KHDRBS2: variants seen among roughly 807,000 people sequenced by gnomAD.
KHDRBS2 encodes KH domain-containing, RNA-binding, signal transduction-associated protein 2.
KHDRBS2 carries 26 observed loss-of-function variants against 44.3 expected under a neutral mutation model. The ratio of observed to expected loss-of-function variants is 0.59; its 90% CI spans 0.43 to 0.81. The LOEUF (loss-of-function observed/expected upper bound fraction) is 0.81. Ranked by LOEUF, KHDRBS2 falls within the 40% of genes least tolerant of loss-of-function variation. The probability of loss-of-function intolerance (pLI) is 0.00; values close to 1 mark genes in which losing one functional copy is unlikely to be tolerated. For synonymous variants in KHDRBS2, 194 were observed against 151.1 expected (o/e 1.28, Z -2.08); for missense variants, 476 against 433.1 (o/e 1.10, Z -0.88).
At chr6:61,993,526 C>T (rs1776537707) in intron 3 of KHDRBS2, among the ~76,000 whole-genome samples, 1 of 151,374 alleles carries the variant, frequency 6.6e-6, no homozygotes, top group Non-Finnish European at 1.5e-5. Context: ...CTCCCCACCA[C>T]TGCTAGCCTC....
At chr6:62,282,037 A>G (rs1274239983) in intron 1 of KHDRBS2, among the ~76,000 whole-genome samples, 2 of 152,218 alleles carry the variant, frequency 1.3e-5, no homozygotes, top group African/African-American at 2.4e-5. Context: ...GTCACTTTAA[A>G]GAGTCACAGG....
intron 8 of KHDRBS2, among the ~76,000 whole-genome samples, chr6:61,682,816 A>G (rs1390393404): frequency 6.6e-6 from 1 of 151,812 alleles, no homozygotes; most frequent in Non-Finnish European, 1.5e-5. Context: ...AATTCCATGT[A>G]TTTGCTTGAT....
chr6:61,569,231 A>T, the KHDRBS2 span, among the ~76,000 whole-genome samples: 1 of 152,092 alleles, frequency 6.6e-6, no homozygotes, highest in African/African-American at 2.4e-5. Flanking sequence ...CAGTGGCAAC[A>T]ATAAGCCCTG....
the KHDRBS2 span, among the ~76,000 whole-genome samples, chr6:61,587,637 C>T: frequency 6.6e-6 from 1 of 152,034 alleles, no homozygotes; most frequent in African/African-American, 2.4e-5. Flanking sequence ...CTAGTTTTGG[C>T]CCCAGAGTTG....
intron 3 of KHDRBS2, among the ~76,000 whole-genome samples, chr6:62,035,842 T>A (rs1177005539): frequency 1.3e-5 from 2 of 152,030 alleles, no homozygotes; most frequent in Non-Finnish European, 2.9e-5. Context: ...GTCATTTTAA[T>A]AAAACTAATG....
At chr6:62,068,943 T>G (rs947010013) in intron 2 of KHDRBS2, among the ~76,000 whole-genome samples, 4 of 151,742 alleles carry the variant, frequency 2.6e-5, no homozygotes, top group African/African-American at 7.2e-5. Context: ...TCTTTAAATT[T>G]CTTTTTCATT....
At chr6:61,922,009 T>G (rs1292522047) in intron 4 of KHDRBS2, among the ~76,000 whole-genome samples, 1 of 151,976 alleles carries the variant, frequency 6.6e-6, no homozygotes, top group Non-Finnish European at 1.5e-5. Context: ...TTGACATCCA[T>G]ATCGTTAAAA....
chr6:61,769,520 C>A (rs1251495762), intron 6 of KHDRBS2, among the ~76,000 whole-genome samples: 2 of 152,202 alleles, frequency 1.3e-5, no homozygotes, highest in African/African-American at 4.8e-5. Flanking sequence ...TTATATCCTG[C>A]ACATGGCTCA....
chr6:61,636,839 A>G, the KHDRBS2 span, among the ~76,000 whole-genome samples: 1 of 152,068 alleles, frequency 6.6e-6, no homozygotes, highest in South Asian at 2.1e-4. Flanking sequence ...CCTTTGAAAT[A>G]CTAGGACCAC....
the KHDRBS2 span, among the ~76,000 whole-genome samples, chr6:61,575,108 T>C: frequency 6.6e-6 from 1 of 151,948 alleles, no homozygotes; most frequent in Non-Finnish European, 1.5e-5. Context: ...CAAAAATAAA[T>C]AGATGGCACC....
chr6:62,016,174 G>A (rs767632552), intron 3 of KHDRBS2, among the ~76,000 whole-genome samples: 5 of 151,902 alleles, frequency 3.3e-5, no homozygotes, highest in Non-Finnish European at 7.4e-5. Flanking sequence ...GCTTATACTT[G>A]GGAATTTCAC....
At chr6:61,716,602 G>T (rs1157124588) in intron 7 of KHDRBS2, among the ~76,000 whole-genome samples, 2 of 151,894 alleles carry the variant, frequency 1.3e-5, no homozygotes, top group East Asian at 3.9e-4. Flanking sequence ...TCCTAATGTT[G>T]AAAAAACGAT....
the KHDRBS2 span, among the ~76,000 whole-genome samples, chr6:61,612,144 T>A: frequency 6.6e-6 from 1 of 152,198 alleles, no homozygotes; most frequent in South Asian, 2.1e-4. Context: ...TATGTAATTT[T>A]TTTTCAAAGT....
At position 61,693,488 on chromosome 6, in the gene KHDRBS2, G is replaced by A. The variant is rs1377077584; in HGVS notation, c.952+3707C>T. Among the ~76,000 whole-genome samples the A allele has an allele frequency of 1.3e-5, 2 of 152,156 alleles. 1 individual carries two copies. The highest frequency in any genetic ancestry group is 3.9e-4 in the East Asian group (2 of 5,176). On this transcript the variant is annotated intron_variant, in intron 8 of 8. Coordinates refer to ENST00000281156, the MANE Select transcript of KHDRBS2 (RefSeq NM_152688.4). ...CAAATCTCATGACCATATGAATCTA[G>A]AGCAAGTACTTTAGTTTTTGGCTGT...
intron 2 of KHDRBS2, among the ~76,000 whole-genome samples, chr6:62,054,376 T>G (rs1161137772): frequency 6.6e-6 from 1 of 152,050 alleles, no homozygotes; most frequent in African/African-American, 2.4e-5. Context: ...CAGACTCCTG[T>G]GTATGTTAAA....
At chr6:61,590,886 A>T in the KHDRBS2 span, among the ~76,000 whole-genome samples, 1 of 152,138 alleles carries the variant, frequency 6.6e-6, no homozygotes, top group African/African-American at 2.4e-5. Flanking sequence ...GTTCATAGTC[A>T]TGGGATGCTT....
chr6:61,574,351 T>C, the KHDRBS2 span: 2 of 1,527,302 alleles, frequency 1.3e-6, no homozygotes, highest in Middle Eastern at 2.3e-4. Flanking sequence ...GTTTCAGCTG[T>C]CTCTTACTTT....
intron 7 of KHDRBS2, among the ~76,000 whole-genome samples, chr6:61,727,930 C>A (rs1473977272): frequency 6.6e-6 from 1 of 151,940 alleles, no homozygotes; most frequent in Non-Finnish European, 1.5e-5. Context: ...TGGGTATGTA[C>A]CCAAAGTAAT....
At chr6:61,748,907 C>G (rs1327318901) in intron 6 of KHDRBS2, among the ~76,000 whole-genome samples, 1 of 151,816 alleles carries the variant, frequency 6.6e-6, no homozygotes, top group African/African-American at 2.4e-5. Flanking sequence ...GGTTAATGGG[C>G]ACTTAAATGT....
Sources: allele counts gnomAD v4.1 joint callset (sites outside exome capture counted in the v4.1 genomes callset), GRCh38; gene constraint gnomAD v4.1.1; transcripts MANE v1.5; gene names NCBI Gene and HGNC (gene_info 2026-07-23, HGNC 2026-07-21).